Variants in RIMS1 observed in about 807,000 individuals in gnomAD.
RIMS1 encodes regulating synaptic membrane exocytosis 1.
A neutral mutation model predicts 214.1 loss-of-function variants in RIMS1; 83 were observed. That is an observed-to-expected ratio of 0.39 (90% confidence interval 0.32 to 0.47). The LOEUF (loss-of-function observed/expected upper bound fraction) is 0.47, where lower values mean the gene tolerates loss of function less well. Ranked by LOEUF, RIMS1 falls within the 20% of genes least tolerant of loss-of-function variation. The pLI is 0.99. For missense variants in RIMS1, 2,050 were observed against 2,161.8 expected (o/e 0.95, Z 1.03); for synonymous variants, 793 against 786.8 (o/e 1.01, Z -0.13).
intron 2 of RIMS1, among the ~76,000 whole-genome samples, chr6:72,029,531 C>T (rs960763104): frequency 6.6e-6 from 1 of 152,116 alleles, no homozygotes; most frequent in African/African-American, 2.4e-5. Context: ...ACAGGGCCCT[C>T]ACCAGACACT....
At chr6:72,216,782 C>T (rs189648872) in intron 6 of RIMS1, 4 of 989,018 alleles carry the variant, frequency 4.0e-6, no homozygotes, top group Admixed American at 6.1e-5. Flanking sequence ...AGGACCACAA[C>T]GTTTCATCTC....
At chr6:72,217,298 T>C (rs565457289) in intron 6 of RIMS1, 31 of 1,420,434 alleles carry the variant, frequency 2.2e-5, no homozygotes, top group Non-Finnish European at 2.6e-5. Flanking sequence ...TAATTTATTG[T>C]TTAATTATCC....
At chr6:72,169,942 C>T (rs1159467827) in intron 4 of RIMS1, among the ~76,000 whole-genome samples, 1 of 152,048 alleles carries the variant, frequency 6.6e-6, no homozygotes, top group African/African-American at 2.4e-5. Context: ...TGACTTCTCT[C>T]CTCAGAATCT....
intron 1 of RIMS1, among the ~76,000 whole-genome samples, chr6:71,916,093 A>G (rs930420352): frequency 6.6e-6 from 1 of 152,166 alleles, no homozygotes; most frequent in Non-Finnish European, 1.5e-5. Flanking sequence ...CAGCCAAACC[A>G]TATCAGCACT....
chr6:72,179,855 C>T lies in RIMS1; in HGVS notation c.752C>T (p.Ala251Val), dbSNP rs1470925915. The change falls in exon 5 of 34, where the codon GCC (alanine) becomes GTC (valine). Residue 251 changes from alanine (A) to valine (V), a missense_variant. Physicochemically the swap from Ala to Val is moderately conservative, Grantham distance 64. Coordinates refer to ENST00000521978, the MANE Select transcript of RIMS1 (RefSeq NM_014989.7). ...RSKGAEPSQQ[A>V]LGPEQKQASS... ...AAAGGGGCTGAGCCCTCGCAGCAAG[C>T]CTTGGGGCCTGAACAGAAGCAGGCT... 1 of 1,602,486 alleles carries T rather than the reference C, an allele frequency of 6.2e-7. No homozygotes were observed. Among genetic ancestry groups the T allele is most frequent in the South Asian group, 1.1e-5 (1 of 89,512 alleles).
At chr6:72,316,842 T>C in intron 28 of RIMS1, 1 of 983,550 alleles carries the variant, frequency 1.0e-6, no homozygotes, top group South Asian at 1.3e-5. Context: ...ATTGGGAGTG[T>C]AGATAGGCAA....
chr6:72,203,572 C>T (rs1250711585), intron 6 of RIMS1, among the ~76,000 whole-genome samples: 2 of 152,080 alleles, frequency 1.3e-5, no homozygotes, highest in African/African-American at 2.4e-5. Context: ...ACTGGGTTAC[C>T]TTGGGTAACA....
At chr6:71,969,750 C>A (rs1263007094) in intron 2 of RIMS1, among the ~76,000 whole-genome samples, 2 of 151,992 alleles carry the variant, frequency 1.3e-5, no homozygotes, top group Non-Finnish European at 1.5e-5. Context: ...TGGAGGCTGC[C>A]GTAAGCCAAG....
chr6:72,039,749 G>A (rs1039734456), intron 2 of RIMS1, among the ~76,000 whole-genome samples: 1 of 151,820 alleles, frequency 6.6e-6, no homozygotes, highest in Non-Finnish European at 1.5e-5. Context: ...AATATTAATG[G>A]GTTACTATTA....
chr6:72,186,213 A>C (rs2049073468), intron 6 of RIMS1, among the ~76,000 whole-genome samples: 1 of 152,268 alleles, frequency 6.6e-6, no homozygotes, highest in Admixed American at 6.5e-5. Flanking sequence ...TTATTCAAGC[A>C]TCAACTGTAC....
Position 72,274,368 on chromosome 6 carries a change from C to G in RIMS1, c.3418C>G (p.Leu1140Val). Residue 1140 changes from leucine to valine, a missense_variant, in exon 23 of 34, where the codon CTA becomes GTA. Around this residue, in one of 6 missense-constraint regions of RIMS1, gnomAD observed 889 missense variants for 885.5 expected, o/e 1.00. Coordinates refer to ENST00000521978, the MANE Select transcript of RIMS1 (RefSeq NM_014989.7). Reference protein sequence around the residue: ...ERERGRWSPSLDRRRPPSPRI... With the variant: ...ERERGRWSPSVDRRRPPSPRI... ...AAACAGGGGTAGATGGTCCCCCTCC[C>G]TAGATAGGAGACGACCTCCTAGTCC... The G allele has an allele frequency of 6.2e-7, 1 of 1,612,460 alleles. No homozygotes were observed. The highest frequency in any genetic ancestry group is 8.5e-7 in the Non-Finnish European group (1 of 1,178,840).
chr6:71,915,697 A>G (rs909377849), intron 1 of RIMS1, among the ~76,000 whole-genome samples: 12 of 152,146 alleles, frequency 7.9e-5, no homozygotes, highest in Admixed American at 7.9e-4. Flanking sequence ...TTATATATAT[A>G]AAGCATTTAA....
intron 1 of RIMS1, among the ~76,000 whole-genome samples, chr6:71,900,806 G>A (rs994448398): frequency 3.9e-5 from 6 of 152,110 alleles, no homozygotes. Flanking sequence ...ACTCAGAAGA[G>A]AGTATGGGTT....
chr6:72,119,419 C>T (rs2037760411), intron 4 of RIMS1, among the ~76,000 whole-genome samples: 1 of 151,700 alleles, frequency 6.6e-6, no homozygotes, highest in Admixed American at 6.6e-5. Context: ...GGGCAATTCC[C>T]ATCATCATTC....
intron 2 of RIMS1, among the ~76,000 whole-genome samples, chr6:72,022,810 G>A (rs1438257428): frequency 6.6e-6 from 1 of 152,170 alleles, no homozygotes; most frequent in African/African-American, 2.4e-5. Flanking sequence ...CAAATAAAGA[G>A]GAATGCCTCT....
At chr6:72,247,567 TG>T (rs1270841656) in intron 11 of RIMS1, among the ~76,000 whole-genome samples, 5 of 148,662 alleles carry the variant, frequency 3.4e-5, no homozygotes, top group Non-Finnish European at 5.9e-5. Context: ...CTAAGATAGA[TG>T]GTATATCTGA....
chr6:72,021,052 T>C (rs1332313615), intron 2 of RIMS1, among the ~76,000 whole-genome samples: 1 of 152,220 alleles, frequency 6.6e-6, no homozygotes, highest in Non-Finnish European at 1.5e-5. Context: ...GATGATTCAC[T>C]CACTCTCTAA....
chr6:72,374,222 TA>T (rs1185404818), intron 29 of RIMS1, among the ~76,000 whole-genome samples: 1 of 152,172 alleles, frequency 6.6e-6, no homozygotes, highest in Non-Finnish European at 1.5e-5. Flanking sequence ...CCTAAAGACC[TA>T]ATGTTTTTAA....
chr6:72,057,893 A>G (rs16882067), intron 2 of RIMS1, among the ~76,000 whole-genome samples: 12,230 of 152,260 alleles, frequency 0.08, 530 homozygotes, highest in African/African-American at 0.099. Context: ...AAAAGTAATC[A>G]TTTGTTTAGA....
Sources: allele counts gnomAD v4.1 joint callset (sites outside exome capture counted in the v4.1 genomes callset), GRCh38; gene constraint gnomAD v4.1.1; regional missense constraint gnomAD v4.1.1; transcripts MANE v1.5; gene names NCBI Gene and HGNC (gene_info 2026-07-23, HGNC 2026-07-21).